The following LPP variants were observed in gnomAD, a reference collection of about 807,000 sequenced individuals.
The protein encoded by LPP is LIM domain containing preferred translocation partner in lipoma, also known as lipoma-preferred partner.
A neutral mutation model predicts 60.4 loss-of-function variants in LPP; 38 were observed. That is an observed-to-expected ratio of 0.63 (90% CI 0.49 to 0.83). The LOEUF (loss-of-function observed/expected upper bound fraction) is 0.83, where lower values mean the gene tolerates loss of function less well. LPP is among the 40% of genes least tolerant of loss of function. The pLI, the probability that LPP is intolerant of heterozygous loss-of-function variation, is 0.00. For missense variants in LPP, 902 were observed against 783.6 expected (o/e 1.15, Z -1.80); for synonymous variants, 328 against 290.8 (o/e 1.13, Z -1.30).
chr3:188,179,199 G>A (rs765177000), intron 1 of LPP: 3 of 456,058 alleles, frequency 6.6e-6, no homozygotes, highest in South Asian at 3.1e-5. Flanking sequence ...GCCCTCCAAG[G>A]CTTTTGAATT....
intron 2 of LPP, among the ~76,000 whole-genome samples, chr3:188,268,399 C>T (rs997026413): frequency 9.9e-5 from 15 of 152,218 alleles, no homozygotes; most frequent in African/African-American, 3.1e-4. Flanking sequence ...TGGGCAGGCC[C>T]CAAACCAGAT....
intron 7 of LPP, chr3:188,688,757 A>T: frequency 2.0e-6 from 1 of 499,318 alleles, no homozygotes. Context: ...CTTGATGCTG[A>T]AGATACAAGA....
At chr3:188,817,538 A>T (rs927491495) in intron 9 of LPP, among the ~76,000 whole-genome samples, 1 of 152,168 alleles carries the variant, frequency 6.6e-6, no homozygotes, top group African/African-American at 2.4e-5. Context: ...CATGTTTTCT[A>T]TCCTTCTTGC....
chr3:188,625,210 C>T (rs1846610457), intron 7 of LPP, among the ~76,000 whole-genome samples: 1 of 152,066 alleles, frequency 6.6e-6, no homozygotes, highest in Non-Finnish European at 1.5e-5. Flanking sequence ...ATATTTAGAC[C>T]TTCAGAGATG....
chr3:188,604,453 C>T (rs1580326099), intron 6 of LPP, among the ~76,000 whole-genome samples: 2 of 151,784 alleles, frequency 1.3e-5, no homozygotes, highest in African/African-American at 4.8e-5. Flanking sequence ...ATAGTATGGC[C>T]ATAAAAATGA....
chr3:188,520,303 T>C (rs1395547112), intron 5 of LPP, among the ~76,000 whole-genome samples: 1 of 152,220 alleles, frequency 6.6e-6, no homozygotes, highest in Admixed American at 6.5e-5. Flanking sequence ...CCTCCCACCT[T>C]CGTGTACCAG....
intron 2 of LPP, among the ~76,000 whole-genome samples, chr3:188,267,047 C>G (rs1345672879): frequency 6.6e-6 from 1 of 152,140 alleles, no homozygotes; most frequent in African/African-American, 2.4e-5. Flanking sequence ...TTTCTGCTTC[C>G]AAGTCCCTCC....
intron 1 of LPP, among the ~76,000 whole-genome samples, chr3:188,193,550 C>T (rs767141560): frequency 1.3e-5 from 2 of 152,224 alleles, no homozygotes; most frequent in Non-Finnish European, 2.9e-5. Context: ...ATTTTATAAA[C>T]TTGCCCTGCT....
chr3:188,193,825 C>T (rs1728820162), intron 1 of LPP, among the ~76,000 whole-genome samples: 1 of 151,908 alleles, frequency 6.6e-6, no homozygotes, highest in African/African-American at 2.4e-5. Context: ...TAAATTTTTC[C>T]TGGAGTTACA....
intron 7 of LPP, among the ~76,000 whole-genome samples, chr3:188,698,580 A>G (rs890575685): frequency 6.6e-6 from 1 of 151,372 alleles, no homozygotes; most frequent in Admixed American, 6.6e-5. Flanking sequence ...GGTTGGCAGG[A>G]GATCTTTGAC....
intron 7 of LPP, among the ~76,000 whole-genome samples, chr3:188,669,700 T>G (rs1856571740): frequency 6.6e-6 from 1 of 152,180 alleles, no homozygotes; most frequent in African/African-American, 2.4e-5. Flanking sequence ...AGTGTGGCAA[T>G]TCCTCAAGGA....
intron 4 of LPP, among the ~76,000 whole-genome samples, chr3:188,426,107 C>G (rs1439106089): frequency 6.7e-6 from 1 of 149,694 alleles, no homozygotes; most frequent in Non-Finnish European, 1.5e-5. Flanking sequence ...AAATTCCCCT[C>G]TAAACACTGC....
chr3:188,786,382 CAAAAAAAAAAAAAAA>C (rs57565042), intron 9 of LPP, among the ~76,000 whole-genome samples: 15 of 76,646 alleles, frequency 2.0e-4, no homozygotes, highest in Admixed American at 2.9e-4. Flanking sequence ...GACTCCGTCT[CAAAAAAAAAAAAAAA>C]AAAAAAAAAA....
intron 9 of LPP, among the ~76,000 whole-genome samples, chr3:188,774,335 T>TTTTGCCTTTGTTTTAACCG (rs763954090): frequency 3.9e-5 from 6 of 152,172 alleles, no homozygotes; most frequent in Non-Finnish European, 7.3e-5. Context: ...TGGTTTAATC[T>TTTTGCCTTTGTTTTAACCG]TTTGCCTTTG....
At chr3:188,220,298 T>G (rs1174374824) in intron 1 of LPP, among the ~76,000 whole-genome samples, 1 of 152,122 alleles carries the variant, frequency 6.6e-6, no homozygotes, top group Non-Finnish European at 1.5e-5. Flanking sequence ...CATGTCACCG[T>G]GTGGTATGAA....
intron 1 of LPP, among the ~76,000 whole-genome samples, chr3:188,170,663 A>G (rs1721339159): frequency 6.6e-6 from 1 of 151,754 alleles, no homozygotes; most frequent in African/African-American, 2.4e-5. Flanking sequence ...CAACAGCATC[A>G]TTCTAGTCAG....
chr3:188,575,906 A>G (rs1381791961), intron 6 of LPP, among the ~76,000 whole-genome samples: 1 of 152,032 alleles, frequency 6.6e-6, no homozygotes, highest in African/African-American at 2.4e-5. Flanking sequence ...ACTGGATTTG[A>G]GGAATAAAAT....
intron 1 of LPP, among the ~76,000 whole-genome samples, chr3:188,156,752 A>G (rs1359658564): frequency 6.6e-6 from 1 of 151,878 alleles, no homozygotes; most frequent in Admixed American, 6.6e-5. Context: ...CAGGAGAATC[A>G]CTTGAACCTG....
chr3:188,401,959 T>G (rs753864394), intron 3 of LPP, among the ~76,000 whole-genome samples: 5 of 152,152 alleles, frequency 3.3e-5, no homozygotes, highest in African/African-American at 4.8e-5. Flanking sequence ...AGACAAGAAG[T>G]AGCTTGTTTC....
Sources: allele counts gnomAD v4.1 joint callset (sites outside exome capture counted in the v4.1 genomes callset), GRCh38; gene constraint gnomAD v4.1.1; transcripts MANE v1.5; gene names NCBI Gene and HGNC (gene_info 2026-07-23, HGNC 2026-07-21).